Variants in PPP2R5E observed in about 807,000 individuals in gnomAD.
PPP2R5E encodes the protein protein phosphatase 2 regulatory subunit B'epsilon.
Under a neutral mutation model 65.3 loss-of-function variants are expected in PPP2R5E, and 4 were observed. That is an observed-to-expected ratio of 0.06 (90% confidence interval 0.03 to 0.14). The LOEUF (loss-of-function observed/expected upper bound fraction) is 0.14. Ranked by LOEUF, PPP2R5E falls within the 10% of genes least tolerant of loss-of-function variation. PPP2R5E has a pLI of 1.00. For missense variants in PPP2R5E, 274 were observed against 556.1 expected, an observed-to-expected ratio of 0.49 and a Z score of 5.10; for synonymous variants, 183 against 187.4, an observed-to-expected ratio of 0.98 and a Z score of 0.19.
intron 5 of PPP2R5E, among the ~76,000 whole-genome samples, chr14:63,400,027 C>T (rs548468920): frequency 2.6e-5 from 4 of 152,198 alleles, no homozygotes; most frequent in East Asian, 1.9e-4. Flanking sequence ...TGGCAGGAAA[C>T]GCAAACTAAA....
chr14:63,542,309 A>C (rs1460245042), intron 1 of PPP2R5E, among the ~76,000 whole-genome samples: 3 of 152,094 alleles, frequency 2.0e-5, no homozygotes, highest in Non-Finnish European at 2.9e-5. Context: ...ATCATCCTCT[A>C]ATCAGCAGGC....
chr14:63,505,629 A>G (rs2139681375), intron 2 of PPP2R5E, among the ~76,000 whole-genome samples: 1 of 152,184 alleles, frequency 6.6e-6, no homozygotes, highest in Middle Eastern at 3.4e-3. Flanking sequence ...TTCTGCACAC[A>G]CTCTACAATC....
intron 4 of PPP2R5E, among the ~76,000 whole-genome samples, chr14:63,417,545 G>T (rs2139869355): frequency 6.7e-6 from 1 of 150,244 alleles, no homozygotes; most frequent in South Asian, 2.1e-4. Context: ...TTACACAAAT[G>T]CTTTTCCATA....
intron 3 of PPP2R5E, among the ~76,000 whole-genome samples, chr14:63,434,778 T>C (rs943091666): frequency 1.3e-5 from 2 of 152,216 alleles, no homozygotes; most frequent in East Asian, 1.9e-4. Flanking sequence ...TTTTAACCCT[T>C]TGGAGTTTTT....
At chr14:63,447,208 C>A (rs1398805318) in intron 3 of PPP2R5E, among the ~76,000 whole-genome samples, 1 of 152,216 alleles carries the variant, frequency 6.6e-6, no homozygotes, top group African/African-American at 2.4e-5. Context: ...TTCTCCTCTG[C>A]AGCTGTAAAA....
chr14:63,433,032 G>GTTTTTTTTTTTTTTTTTTTTTTTTT (rs747571866), intron 3 of PPP2R5E, among the ~76,000 whole-genome samples: 2 of 96,462 alleles, frequency 2.1e-5, no homozygotes, highest in Non-Finnish European at 2.1e-5. Flanking sequence ...GTTTTGTTTT[G>GTTTTTTTTTTTTTTTTTTTTTTTTT]TTTTTTTTTT....
intron 5 of PPP2R5E, among the ~76,000 whole-genome samples, chr14:63,399,984 A>T (rs1428173918): frequency 6.6e-6 from 1 of 151,744 alleles, no homozygotes; most frequent in Admixed American, 6.5e-5. Context: ...ATAAAAGACA[A>T]GAGTTATGGA....
chr14:63,443,101 C>G (rs1170999222), intron 3 of PPP2R5E, among the ~76,000 whole-genome samples: 1 of 151,286 alleles, frequency 6.6e-6, no homozygotes, highest in Non-Finnish European at 1.5e-5. Flanking sequence ...CCAGTTAAAT[C>G]AAAGAATGTA....
At chr14:63,447,479 T>C (rs1888545444) in intron 3 of PPP2R5E, among the ~76,000 whole-genome samples, 1 of 152,258 alleles carries the variant, frequency 6.6e-6, no homozygotes, top group Admixed American at 6.5e-5. Flanking sequence ...TCTCAGCCTT[T>C]ATACAACTGA....
intron 3 of PPP2R5E, among the ~76,000 whole-genome samples, chr14:63,431,879 T>A (rs1887690846): frequency 6.6e-6 from 1 of 152,200 alleles, no homozygotes; most frequent in Admixed American, 6.5e-5. Flanking sequence ...TAGGAATAAT[T>A]AGTAATTATT....
At chr14:63,515,095 T>G (rs1412882375) in intron 2 of PPP2R5E, among the ~76,000 whole-genome samples, 2 of 151,778 alleles carry the variant, frequency 1.3e-5, no homozygotes, top group African/African-American at 4.8e-5. Flanking sequence ...TGGCCATACC[T>G]CCGTACAACC....
rs1482325900 is a variant in PPP2R5E at position 63,530,042 on chromosome 14, C to T, written c.157+9487G>A. ...AAAACTCTTAACTATAGAGAGAGAA[C>T]GTGAATGGAAGGGATGAATCTTTGA... On this transcript the variant is annotated intron_variant, in intron 2 of 13. Coordinates refer to ENST00000337537, the MANE Select transcript of PPP2R5E (RefSeq NM_006246.5). 5.3e-5 allele frequency among the ~76,000 whole-genome samples: 8 copies of T among 152,040 alleles called. 1 individual carries two copies. Among genetic ancestry groups the T allele is most frequent in the Non-Finnish European group, 1.5e-5 (1 of 67,990 alleles).
At chr14:63,459,510 G>A (rs1326552815) in intron 2 of PPP2R5E, among the ~76,000 whole-genome samples, 1 of 152,088 alleles carries the variant, frequency 6.6e-6, no homozygotes, top group African/African-American at 2.4e-5. Context: ...ATAACATGTT[G>A]ATTACACAGG....
chr14:63,402,691 C>T (rs985181203), intron 5 of PPP2R5E, among the ~76,000 whole-genome samples: 10 of 152,016 alleles, frequency 6.6e-5, no homozygotes, highest in Admixed American at 5.2e-4. Context: ...AAATGAGCAA[C>T]TCTACCCCAG....
At chr14:63,482,231 G>A (rs1038171614) in intron 2 of PPP2R5E, among the ~76,000 whole-genome samples, 2 of 152,222 alleles carry the variant, frequency 1.3e-5, no homozygotes, top group South Asian at 4.1e-4. Context: ...TTGAGAGGCT[G>A]AGGTGGGCAG....
At chr14:63,480,916 C>A (rs1311316984) in intron 2 of PPP2R5E, among the ~76,000 whole-genome samples, 1 of 152,212 alleles carries the variant, frequency 6.6e-6, no homozygotes, top group African/African-American at 2.4e-5. Flanking sequence ...AGCTCACTTC[C>A]CTCCCTGTCA....
intron 2 of PPP2R5E, among the ~76,000 whole-genome samples, chr14:63,487,930 T>C (rs1249623536): frequency 6.6e-6 from 1 of 152,216 alleles, no homozygotes; most frequent in Non-Finnish European, 1.5e-5. Context: ...TCTTTATTTG[T>C]CTTTCACATG....
chr14:63,476,198 C>T (rs1033303345), intron 2 of PPP2R5E, among the ~76,000 whole-genome samples: 1 of 152,090 alleles, frequency 6.6e-6, no homozygotes, highest in Non-Finnish European at 1.5e-5. Context: ...GTATAATGCT[C>T]GAGTTTTTCA....
At chr14:63,439,745 A>G (rs1238671030) in intron 3 of PPP2R5E, among the ~76,000 whole-genome samples, 2 of 152,218 alleles carry the variant, frequency 1.3e-5, no homozygotes, top group African/African-American at 4.8e-5. Flanking sequence ...CTGTACACAC[A>G]TAAGTGCTTC....
Sources: gnomAD v4.1 joint callset for allele counts (sites outside exome capture counted in the v4.1 genomes callset) on GRCh38, gnomAD v4.1.1 for gene constraint, MANE v1.5 for transcripts, NCBI Gene and HGNC (gene_info 2026-07-23, HGNC 2026-07-21) for gene names.